RB1: variants seen among roughly 807,000 people sequenced by gnomAD.
The protein encoded by RB1 is retinoblastoma-associated protein.
In RB1, 18 loss-of-function variants were observed where a neutral mutation model predicts 135.4. The observed-to-expected ratio is 0.13, with a 90% CI of 0.09 to 0.20. The LOEUF (loss-of-function observed/expected upper bound fraction) is 0.20, where lower values mean the gene tolerates loss of function less well. Among genes scored for constraint, RB1 ranks in the 10% least tolerant of loss-of-function variants. The probability of loss-of-function intolerance (pLI) is 1.00; values close to 1 mark genes in which losing one functional copy is unlikely to be tolerated. For synonymous variants in RB1, 365 were observed against 373.2 expected, an observed-to-expected ratio of 0.98 and a Z score of 0.25; for missense variants, 868 against 1,110.0, an observed-to-expected ratio of 0.78 and a Z score of 3.10.
rs1354421847 is a variant in RB1, at chr13:48,480,884, A to G, written c.*813A>G. 4 of 228,166 alleles carry G rather than the reference A, an allele frequency of 1.8e-5. No individual in the cohort carries two copies. Among genetic ancestry groups the G allele is most frequent in the Non-Finnish European group, 3.5e-5 (4 of 114,672 alleles). The allele number at this position is 228,166 out of a possible 1,614,324, so 14.1% of individuals were successfully genotyped here. A position where few individuals can be genotyped will look rare whatever the true frequency, so the allele number is the denominator to read the frequency against. ...CACTGAATTTATAAAGTACCCATCT[A>G]GTACTTGAAAAAGTAAAGTGTTCTG... On this transcript the variant is annotated 3_prime_UTR_variant, in exon 27 of 27. Coordinates refer to ENST00000267163, the MANE Select transcript of RB1 (RefSeq NM_000321.3).
rs41287455 is a variant in RB1 at position 48,476,525 on chromosome 13, A to C, written c.2521-176A>C. ...TGTTTAATTGGGGATGGAATTAGGT[A>C]GTTATTCTGATTTTTAGATTTTTCA... On this transcript the variant is annotated intron_variant, in intron 24 of 26. Transcript: ENST00000267163. The C allele has an allele frequency of 1.8e-3, 1,094 of 611,820 alleles. 1 individual carries two copies. The highest frequency in any genetic ancestry group is 2.8e-3 in the Non-Finnish European group (1,014 of 356,452). The allele number at this position is 611,820 out of a possible 1,614,324, so 37.9% of individuals were successfully genotyped here.
At chr13:48,431,254 A>AT (rs1376167123) in intron 17 of RB1, among the ~76,000 whole-genome samples, 27 of 152,038 alleles carry the variant, frequency 1.8e-4, no homozygotes, top group Admixed American at 5.2e-4. Context: ...TAATATTTGT[A>AT]TTTTTTTTAA....
intron 2 of RB1, chr13:48,318,025 G>T: frequency 2.0e-6 from 1 of 509,998 alleles, no homozygotes; most frequent in Non-Finnish European, 3.7e-6. Flanking sequence ...CAGACAGGGA[G>T]CCGGGGCTGG....
intron 17 of RB1, among the ~76,000 whole-genome samples, chr13:48,434,892 A>G (rs1949167498): frequency 6.6e-6 from 1 of 152,228 alleles, no homozygotes; most frequent in Non-Finnish European, 1.5e-5. Context: ...GCATGTATCA[A>G]TAGTTCATAC....
intron 17 of RB1, chr13:48,439,670 T>C (rs764328135): frequency 1.1e-4 from 17 of 152,162 alleles, no homozygotes; most frequent in Non-Finnish European, 1.6e-4. Flanking sequence ...TGTCAGCTAT[T>C]GAATGTGTTA....
At chr13:48,342,036 C>T (rs2804084) in intron 2 of RB1, among the ~76,000 whole-genome samples, 142,220 of 151,996 alleles carry the variant, frequency 0.94, 66,934 homozygotes, top group East Asian at 1. Context: ...CTATATACTA[C>T]GCCAAAGGCT....
chr13:48,329,419 G>A lies in RB1; in HGVS notation c.265-13180G>A, dbSNP rs74957261. Among the ~76,000 whole-genome samples the A allele has an allele frequency of 9.2e-3, 1,400 of 152,202 alleles. 23 individuals carry two copies. Among genetic ancestry groups the A allele is most frequent in the African/African-American group, 0.032 (1,335 of 41,532 alleles). On this transcript the variant is annotated intron_variant, in intron 2 of 26. Coordinates refer to ENST00000267163, the MANE Select transcript of RB1 (RefSeq NM_000321.3). The stretch of plus-strand genomic sequence containing the variant: ...AAGATATACAAAGCTGCCAACTAGT[G>A]CTTTTCATCAGCATCAGGTAAATTG...
At chr13:48,366,174 G>A (rs1168706184) in intron 9 of RB1, among the ~76,000 whole-genome samples, 1 of 143,296 alleles carries the variant, frequency 7.0e-6, no homozygotes, top group Non-Finnish European at 1.5e-5. Context: ...AATGAGTCTT[G>A]TTACCACTTT....
chr13:48,358,130 G>A (rs910613817), intron 6 of RB1, among the ~76,000 whole-genome samples: 5 of 152,088 alleles, frequency 3.3e-5, no homozygotes, highest in South Asian at 2.1e-4. Flanking sequence ...TGGGAGAACT[G>A]GAGTTATCAC....
At chr13:48,347,967 G>A in intron 5 of RB1, 104 bp downstream of exon 5, 1 of 844,064 alleles carries the variant, frequency 1.2e-6, no homozygotes, top group Non-Finnish European at 1.9e-6. Context: ...ATTATAGCAG[G>A]CTACTTCATA....
At chr13:48,448,085 ATATGTGGGTT>A (rs1276831495) in intron 17 of RB1, among the ~76,000 whole-genome samples, 4 of 152,180 alleles carry the variant, frequency 2.6e-5, no homozygotes, top group Non-Finnish European at 5.9e-5. Context: ...ACTCTTGAAT[ATATGTGGGTT>A]TATACTCATA....
At chr13:48,425,352 A>T (rs1440354795) in intron 17 of RB1, among the ~76,000 whole-genome samples, 1 of 152,240 alleles carries the variant, frequency 6.6e-6, no homozygotes, top group Admixed American at 6.5e-5. Flanking sequence ...CAAGGATGCT[A>T]TGTAACCTAG....
rs144240078 is a variant in RB1, at chr13:48,349,415, T to C, written c.607+392T>C. Among the ~76,000 whole-genome samples the C allele has an allele frequency of 6.4e-3, 974 of 152,060 alleles. 7 individuals carry two copies. The highest frequency in any genetic ancestry group is 0.036 in the South Asian group (174 of 4,826). On this transcript the variant is annotated intron_variant, in intron 6 of 26. Coordinates refer to ENST00000267163, the MANE Select transcript of RB1 (RefSeq NM_000321.3). ...ACATAATTGGGATGCAGTTAAGGTA[T>C]AGAATTTTTATTATTTTTGTTTGTT...
At chr13:48,449,627 T>A (rs987376521) in intron 17 of RB1, among the ~76,000 whole-genome samples, 3 of 152,142 alleles carry the variant, frequency 2.0e-5, no homozygotes, top group African/African-American at 4.8e-5. Flanking sequence ...CTGGGCACCA[T>A]GGCGCATTCC....
At position 48,480,487 on chromosome 13, in the gene RB1, A is replaced by T. The variant is rs1211646587; in HGVS notation, c.*416A>T. 4 of 234,378 alleles carry T rather than the reference A, an allele frequency of 1.7e-5. No individual in the cohort carries two copies. Among genetic ancestry groups the T allele is most frequent in the Non-Finnish European group, 3.4e-5 (4 of 118,566 alleles). The allele number at this position is 234,378 out of a possible 1,614,324, so 14.5% of individuals were successfully genotyped here. Reference sequence around the variant, plus strand: ...TTTATATGTATATTTTTTTAATTTAACATGAACACCCTTAGAAAATGTGTC... The same window carrying T: ...TTTATATGTATATTTTTTTAATTTATCATGAACACCCTTAGAAAATGTGTC... On this transcript the variant is annotated 3_prime_UTR_variant, in exon 27 of 27. Coordinates refer to ENST00000267163, the MANE Select transcript of RB1 (RefSeq NM_000321.3).
At chr13:48,445,360 A>G (rs756250442) in intron 17 of RB1, 6 of 152,180 alleles carry the variant, frequency 3.9e-5, no homozygotes, top group Non-Finnish European at 8.8e-5. Context: ...TAATTGGTTT[A>G]CTGTTTCTCT....
intron 26 of RB1, 151 bp from the exon 27 acceptor site, chr13:48,479,847 C>T (rs1949526866): frequency 5.9e-6 from 4 of 681,698 alleles, no homozygotes; most frequent in Non-Finnish European, 1.1e-5. Context: ...CTGTAACTCC[C>T]TACGGTACTG....
chr13:48,373,995 C>T (rs1406936352), intron 12 of RB1, among the ~76,000 whole-genome samples: 1 of 152,084 alleles, frequency 6.6e-6, no homozygotes, highest in Non-Finnish European at 1.5e-5. Context: ...AAGTCTTATG[C>T]CACTCAATCT....
intron 11 of RB1, among the ~76,000 whole-genome samples, chr13:48,371,055 G>A (rs1952753080): frequency 6.6e-6 from 1 of 152,194 alleles, no homozygotes; most frequent in Non-Finnish European, 1.5e-5. Context: ...GGAACTATTA[G>A]CAGCTCTGTA....
Sources: gnomAD v4.1 joint callset for allele counts (sites outside exome capture counted in the v4.1 genomes callset) on GRCh38, gnomAD v4.1.1 for gene constraint, MANE v1.5 for transcripts, NCBI Gene and HGNC (gene_info 2026-07-23, HGNC 2026-07-21) for gene names.